ITGA1: variants seen among roughly 807,000 people sequenced by gnomAD.
ITGA1 encodes integrin subunit alpha 1.
Under a neutral mutation model 145.9 loss-of-function variants are expected in ITGA1, and 85 were observed. That is an observed-to-expected ratio of 0.58 (90% CI 0.49 to 0.70). The LOEUF is 0.70. ITGA1 is among the 30% of genes least tolerant of loss of function. The pLI, the probability that ITGA1 is intolerant of heterozygous loss-of-function variation, is 0.00. For synonymous variants in ITGA1, 520 were observed against 495.3 expected, an observed-to-expected ratio of 1.05 and a Z score of -0.66; for missense variants, 1,351 against 1,418.7, an observed-to-expected ratio of 0.95 and a Z score of 0.77.
chr5:52,921,153 T>C lies in ITGA1; in HGVS notation c.2292+685T>C, dbSNP rs527408654. Among the ~76,000 whole-genome samples, 120 of 152,250 alleles carry C rather than the reference T, an allele frequency of 7.9e-4. 1 individual carries two copies. The highest frequency in any genetic ancestry group is 7.7e-4 in the East Asian group (4 of 5,172). ...GAGGGCAGGAGTTTCCTAAACATTTTCTTAAAATGTACATGAGAGTGATAA... is the reference window on the plus strand; with the variant it reads ...GAGGGCAGGAGTTTCCTAAACATTTCCTTAAAATGTACATGAGAGTGATAA... On this transcript the variant is annotated intron_variant, in intron 17 of 28. Transcript: ENST00000282588.
chr5:52,906,835 A>G (rs182061367), intron 12 of ITGA1, among the ~76,000 whole-genome samples: 18 of 152,300 alleles, frequency 1.2e-4, no homozygotes, highest in Admixed American at 2.6e-4. Flanking sequence ...AGCCCAGCGC[A>G]GCAGTAAAGC....
chr5:52,919,921 C>A (rs1750706570), intron 16 of ITGA1, among the ~76,000 whole-genome samples: 2 of 151,844 alleles, frequency 1.3e-5, no homozygotes, highest in Non-Finnish European at 2.9e-5. Flanking sequence ...AAATAAATAA[C>A]TAAAGTATAT....
intron 1 of ITGA1, among the ~76,000 whole-genome samples, chr5:52,818,014 A>G (rs1053277187): frequency 9.2e-5 from 14 of 152,238 alleles, no homozygotes; most frequent in African/African-American, 3.1e-4. Flanking sequence ...TTCCCATAAA[A>G]CTTTATTTAC....
intron 28 of ITGA1, among the ~76,000 whole-genome samples, chr5:52,952,156 C>T (rs942971534): frequency 1.5e-4 from 23 of 148,576 alleles, no homozygotes; most frequent in Non-Finnish European, 2.7e-4. Flanking sequence ...CGCCACTGCA[C>T]TCCAGCCTGG....
chr5:52,833,498 G>A (rs1749109153), intron 1 of ITGA1, among the ~76,000 whole-genome samples: 1 of 152,048 alleles, frequency 6.6e-6, no homozygotes, highest in South Asian at 2.1e-4. Flanking sequence ...ATGTTTCCTA[G>A]TGAACATGCA....
chr5:52,907,112 G>T (rs1257435203), intron 12 of ITGA1, among the ~76,000 whole-genome samples: 1 of 152,190 alleles, frequency 6.6e-6, no homozygotes, highest in Non-Finnish European at 1.5e-5. Context: ...TGTCAGCGTT[G>T]CTTAGCCTTA....
chr5:52,801,542 A>G (rs753082949), intron 1 of ITGA1: 4 of 1,614,216 alleles, frequency 2.5e-6, no homozygotes, highest in Non-Finnish European at 3.4e-6. Flanking sequence ...ATGTTACAGC[A>G]TGAACCGGAT....
chr5:52,822,522 G>T (rs1748895864), intron 1 of ITGA1, among the ~76,000 whole-genome samples: 1 of 152,186 alleles, frequency 6.6e-6, no homozygotes, highest in Admixed American at 6.5e-5. Context: ...AGAGCTGGAG[G>T]CTGAGTATCC....
intron 1 of ITGA1, among the ~76,000 whole-genome samples, chr5:52,828,416 G>A (rs549168656): frequency 6.6e-6 from 1 of 152,072 alleles, no homozygotes; most frequent in East Asian, 1.9e-4. Flanking sequence ...TAATGCTGTT[G>A]AGCATCTTAT....
intron 1 of ITGA1, among the ~76,000 whole-genome samples, chr5:52,848,733 C>G (rs1309236684): frequency 1.3e-5 from 2 of 149,726 alleles, no homozygotes; most frequent in Non-Finnish European, 3.0e-5. Flanking sequence ...CCCCCTCCCC[C>G]CACCACACAA....
intron 9 of ITGA1, among the ~76,000 whole-genome samples, chr5:52,894,049 G>T (rs954369257): frequency 6.6e-6 from 1 of 151,194 alleles, no homozygotes; most frequent in Non-Finnish European, 1.5e-5. Context: ...GACTCTCTTT[G>T]TAAGGGCATG....
At chr5:52,845,712 G>A (rs1344199373) in intron 1 of ITGA1, among the ~76,000 whole-genome samples, 1 of 152,132 alleles carries the variant, frequency 6.6e-6, no homozygotes, top group African/African-American at 2.4e-5. Flanking sequence ...CAAGGATGCT[G>A]CTAAACACTC....
At chr5:52,803,765 T>A (rs1748534116) in intron 1 of ITGA1, 1 of 152,192 alleles carries the variant, frequency 6.6e-6, no homozygotes, top group Non-Finnish European at 1.5e-5. Flanking sequence ...GAAACTAGAA[T>A]TCAGGGATCT....
At chr5:52,925,728 C>T (rs947763743) in intron 19 of ITGA1, among the ~76,000 whole-genome samples, 1 of 152,120 alleles carries the variant, frequency 6.6e-6, no homozygotes, top group African/African-American at 2.4e-5. Flanking sequence ...TGTATAAAAA[C>T]TGTGTGTTTC....
At chr5:52,828,682 T>G (rs1038328314) in intron 1 of ITGA1, among the ~76,000 whole-genome samples, 10 of 152,208 alleles carry the variant, frequency 6.6e-5, no homozygotes, top group African/African-American at 2.4e-4. Flanking sequence ...CTTGAATGTA[T>G]TAGTTTCCTA....
chr5:52,827,161 C>G (rs1377977340), intron 1 of ITGA1, among the ~76,000 whole-genome samples: 1 of 143,982 alleles, frequency 6.9e-6, no homozygotes, highest in Non-Finnish European at 1.5e-5. Context: ...TTAGTAGAAA[C>G]TGATTTCCAA....
At position 52,910,189 on chromosome 5, in the gene ITGA1, G is replaced by T. The variant is rs779686513; in HGVS notation, c.1627G>T (p.Glu543Ter). 1.2e-6 allele frequency: 2 copies of T among 1,610,812 alleles called. No individual in the cohort carries two copies. Among genetic ancestry groups the T allele is most frequent in the Non-Finnish European group, 1.7e-6 (2 of 1,177,246 alleles). Residue 543 changes from glutamate (E) to a stop codon, truncating the protein, a stop_gained, in exon 14 of 29, where the codon GAA (glutamate) becomes TAA (stop). Coordinates refer to ENST00000282588, the MANE Select transcript of ITGA1 (RefSeq NM_181501.2). LOFTEE classifies it high-confidence loss of function. Reference sequence around the variant, plus strand: ...AAGGTTTGAATATCAAATGAGCCTGGAACCTATTAAGCAGACGTGCTGTTC... The same window carrying T: ...AAGGTTTGAATATCAAATGAGCCTGTAACCTATTAAGCAGACGTGCTGTTC... ...QTRFEYQMSLEPIKQTCCSSR... is the reference protein window; with the variant it reads ...QTRFEYQMSL
chr5:52,903,448 G>A (rs1159360714), intron 11 of ITGA1: 1 of 151,980 alleles, frequency 6.6e-6, no homozygotes, highest in Non-Finnish European at 1.5e-5. Flanking sequence ...ATTCTATTAT[G>A]TATAATAATA....
intron 6 of ITGA1, among the ~76,000 whole-genome samples, chr5:52,870,523 T>C (rs1359760073): frequency 3.9e-5 from 6 of 152,240 alleles, no homozygotes; most frequent in Non-Finnish European, 8.8e-5. Context: ...ATACACATCT[T>C]AGTATGTGTA....
Sources: allele counts gnomAD v4.1 joint callset (sites outside exome capture counted in the v4.1 genomes callset), GRCh38; gene constraint gnomAD v4.1.1; transcripts MANE v1.5; gene names NCBI Gene and HGNC (gene_info 2026-07-23, HGNC 2026-07-21).